The following ITGA2 variants were observed in gnomAD, a reference collection of about 807,000 sequenced individuals.
The protein encoded by ITGA2 is integrin subunit alpha 2.
In ITGA2, 101 loss-of-function variants were observed where a neutral mutation model predicts 146.3. The observed-to-expected ratio is 0.69, with a 90% CI of 0.59 to 0.81. ITGA2 has a LOEUF of 0.81. ITGA2 is among the 40% of genes least tolerant of loss of function. The pLI, the probability that ITGA2 is intolerant of heterozygous loss-of-function variation, is 0.00. For synonymous variants in ITGA2, 477 were observed against 487.1 expected (o/e 0.98, Z 0.27); for missense variants, 1,281 against 1,402.7 (o/e 0.91, Z 1.39).
chr5:52,997,656 C>T (rs2111676354), intron 1 of ITGA2, among the ~76,000 whole-genome samples: 1 of 152,198 alleles, frequency 6.6e-6, no homozygotes, highest in East Asian at 1.9e-4. Flanking sequence ...CCATGGATAC[C>T]ATGTAGAAAT....
intron 1 of ITGA2, among the ~76,000 whole-genome samples, chr5:53,009,933 C>T (rs1742038399): frequency 6.6e-6 from 1 of 152,180 alleles, no homozygotes; most frequent in East Asian, 1.9e-4. Flanking sequence ...AAATAAACTT[C>T]TGTTGTTGGC....
intron 27 of ITGA2, among the ~76,000 whole-genome samples, chr5:53,083,682 T>C (rs938596909): frequency 1.3e-5 from 2 of 152,158 alleles, no homozygotes; most frequent in African/African-American, 4.8e-5. Flanking sequence ...GGTCTGTTTC[T>C]CAGACTCCAT....
At chr5:53,018,473 G>T (rs956897839) in intron 1 of ITGA2, among the ~76,000 whole-genome samples, 1 of 152,004 alleles carries the variant, frequency 6.6e-6, no homozygotes, top group Non-Finnish European at 1.5e-5. Context: ...GGGCAGCCTC[G>T]TGTAGGGCTC....
At chr5:53,065,786 A>G (rs757421227) in intron 14 of ITGA2, 55 bp from the exon 15 acceptor site, 13 of 1,610,024 alleles carry the variant, frequency 8.1e-6, no homozygotes, top group African/African-American at 5.4e-5. Context: ...AGAGGCTGCC[A>G]TTTTCTGGTT....
chr5:53,069,837 T>TC (rs1264196651), intron 16 of ITGA2, among the ~76,000 whole-genome samples: 1 of 151,830 alleles, frequency 6.6e-6, no homozygotes, highest in African/African-American at 2.4e-5. Flanking sequence ...ACAGTAGGTT[T>TC]CCTGGCGGCA....
chr5:53,001,458 A>G (rs545349786), intron 1 of ITGA2, among the ~76,000 whole-genome samples: 5 of 152,134 alleles, frequency 3.3e-5, no homozygotes, highest in Non-Finnish European at 7.4e-5. Context: ...CATAAACTCT[A>G]TTCCTGGGAT....
chr5:53,075,307 A>G lies in ITGA2; in HGVS notation c.2825+3A>G. 2 of 1,611,788 alleles carry G rather than the reference A, an allele frequency of 1.2e-6. No individual in the cohort carries two copies. The highest frequency in any genetic ancestry group is 8.5e-7 in the Non-Finnish European group (1 of 1,178,696). On this transcript the variant is annotated splice_donor_region_variant and intron_variant, in intron 23 of 29. Transcript: ENST00000296585. ...GATGCTGAAATTCACTTAACAAGGT[A>G]GGTGAAGCAGTGGGTAACCTGCTAT...
chr5:53,070,185 C>G lies in ITGA2; in HGVS notation c.2160C>G (p.Asn720Lys), dbSNP rs200788476. 6.2e-7 allele frequency: 1 copy of G among 1,611,702 alleles called. No individual in the cohort carries two copies. The highest frequency in any genetic ancestry group is 2.2e-5 in the East Asian group (1 of 44,744). The stretch of plus-strand genomic sequence containing the variant: ...CCTCCAGGGGGTTATTTAAAGAAAA[C>G]AATGAAAGGTGCCTGCAGAAGAATA... Reference protein sequence around the residue: ...RVTSRGLFKENNERCLQKNMV... With the variant: ...RVTSRGLFKEKNERCLQKNMV... Residue 720 changes from asparagine to lysine, a missense_variant, in exon 17 of 30, where the codon AAC (asparagine) becomes AAG (lysine). Physicochemically the swap from Asn to Lys is moderately conservative, Grantham distance 94. Transcript: ENST00000296585.
chr5:53,028,408 T>C (rs1743055386), intron 2 of ITGA2, among the ~76,000 whole-genome samples: 1 of 152,188 alleles, frequency 6.6e-6, no homozygotes, highest in Non-Finnish European at 1.5e-5. Flanking sequence ...GATAAGAACA[T>C]CTGGTTGGAA....
chr5:53,009,967 A>T (rs891538618), intron 1 of ITGA2, among the ~76,000 whole-genome samples: 37 of 152,194 alleles, frequency 2.4e-4, no homozygotes, highest in Admixed American at 2.4e-3. Flanking sequence ...GTACTTTGTT[A>T]TAACAGGCGG....
chr5:53,046,930 A>AT (rs1561119873), intron 4 of ITGA2, among the ~76,000 whole-genome samples: 2 of 151,844 alleles, frequency 1.3e-5, no homozygotes, highest in African/African-American at 2.4e-5. Context: ...ACAAAAAAAA[A>AT]TTTTGAATAC....
chr5:53,090,456 G>T, intron 29 of ITGA2, 63 bp from the exon 30 acceptor site: 2 of 1,410,390 alleles, frequency 1.4e-6, no homozygotes, highest in Non-Finnish European at 1.0e-6. Context: ...CAGCCAAGGG[G>T]GTCAGAGGCA....
At chr5:53,009,143 C>T (rs1447908030) in intron 1 of ITGA2, among the ~76,000 whole-genome samples, 1 of 152,102 alleles carries the variant, frequency 6.6e-6, no homozygotes, top group African/African-American at 2.4e-5. Context: ...TTATCTCACC[C>T]CTCAATATTA....
intron 3 of ITGA2, 27 bp downstream of exon 3, chr5:53,042,248 T>C (rs1356939251): frequency 1.5e-6 from 2 of 1,346,194 alleles, no homozygotes; most frequent in South Asian, 2.3e-5. Flanking sequence ...TTGCAAGGCA[T>C]GTGATTTGTC....
chr5:52,999,531 A>G (rs1741464867), intron 1 of ITGA2, among the ~76,000 whole-genome samples: 1 of 152,166 alleles, frequency 6.6e-6, no homozygotes, highest in East Asian at 1.9e-4. Context: ...TAACTTGATC[A>G]GCATATCTGT....
chr5:53,032,383 T>C (rs546345104), intron 2 of ITGA2, among the ~76,000 whole-genome samples: 3 of 152,308 alleles, frequency 2.0e-5, no homozygotes, highest in South Asian at 4.1e-4. Context: ...CTGGTATTTA[T>C]TGAGTACTCT....
At chr5:53,074,525 C>T in intron 21 of ITGA2, 48 bp downstream of exon 21, 1 of 1,360,170 alleles carries the variant, frequency 7.4e-7, no homozygotes, top group Non-Finnish European at 1.1e-6. Context: ...CTCCTTAGCA[C>T]ATATGCTAAT....
At chr5:53,082,076 G>A (rs931257727) in intron 26 of ITGA2, among the ~76,000 whole-genome samples, 5 of 152,270 alleles carry the variant, frequency 3.3e-5, no homozygotes, top group South Asian at 2.1e-4. Context: ...CAGAGGAGAA[G>A]CCCCTTAAAT....
At chr5:53,009,063 A>G (rs1235243858) in intron 1 of ITGA2, among the ~76,000 whole-genome samples, 2 of 152,106 alleles carry the variant, frequency 1.3e-5, no homozygotes, top group Non-Finnish European at 1.5e-5. Flanking sequence ...GAAAGAAACA[A>G]TGAGCTTGGT....
Sources: allele counts gnomAD v4.1 joint callset (sites outside exome capture counted in the v4.1 genomes callset), GRCh38; gene constraint gnomAD v4.1.1; transcripts MANE v1.5; gene names NCBI Gene and HGNC (gene_info 2026-07-23, HGNC 2026-07-21).